The following CCDC50 variants were observed in gnomAD, a reference collection of about 807,000 sequenced individuals.
CCDC50 encodes coiled-coil domain-containing protein 50.
Under a neutral mutation model 70.2 loss-of-function variants are expected in CCDC50, and 54 were observed. The ratio of observed to expected loss-of-function variants is 0.77; its 90% CI spans 0.62 to 0.96. The LOEUF (loss-of-function observed/expected upper bound fraction) is 0.96, where lower values mean the gene tolerates loss of function less well. Among genes scored for constraint, CCDC50 ranks in the 50% least tolerant of loss-of-function variants. The pLI, the probability that CCDC50 is intolerant of heterozygous loss-of-function variation, is 0.00. For missense variants in CCDC50, 558 were observed against 578.7 expected (o/e 0.96, Z 0.37); for synonymous variants, 216 against 198.8 (o/e 1.09, Z -0.73).
At chr3:191,366,891 G>T (rs939973390) in intron 4 of CCDC50, among the ~76,000 whole-genome samples, 1 of 152,046 alleles carries the variant, frequency 6.6e-6, no homozygotes, top group African/African-American at 2.4e-5. Flanking sequence ...GACTAAGCTG[G>T]TTAGCTACAT....
rs144727245 is a variant in CCDC50, at chr3:191,333,234, A to G, written c.49+3511A>G. Among the ~76,000 whole-genome samples, 6 of 152,302 alleles carry G rather than the reference A, an allele frequency of 3.9e-5. No homozygotes were observed. In the East Asian group the frequency reaches 1.2e-3, roughly 29 times the overall value. Reference sequence around the variant, plus strand: ...TCCTTTTTCTTTAGTGAAAGATACAATTTAATACATTTTTAGAAATGTCTG... The same window carrying G: ...TCCTTTTTCTTTAGTGAAAGATACAGTTTAATACATTTTTAGAAATGTCTG... On this transcript the variant is annotated intron_variant, in intron 1 of 11. Coordinates refer to ENST00000392455, the MANE Select transcript of CCDC50 (RefSeq NM_178335.3).
At chr3:191,380,659 CTTTGTT>C (rs1200075894) in intron 7 of CCDC50, 22 bp from the exon 8 acceptor site, 4 of 1,603,952 alleles carry the variant, frequency 2.5e-6, no homozygotes, top group Non-Finnish European at 3.4e-6. Context: ...CAATTAAATT[CTTTGTT>C]TTTGTATTTT....
chr3:191,387,703 C>G (rs962254576), intron 10 of CCDC50, among the ~76,000 whole-genome samples: 1 of 150,034 alleles, frequency 6.7e-6, no homozygotes, highest in East Asian at 1.9e-4. Context: ...CATGGACATG[C>G]TAGAAAACTT....
chr3:191,341,364 A>G (rs1711724004), intron 1 of CCDC50, among the ~76,000 whole-genome samples: 1 of 152,074 alleles, frequency 6.6e-6, no homozygotes, highest in African/African-American at 2.4e-5. Flanking sequence ...ATTTATCCTT[A>G]TTTTACAGAT....
intron 5 of CCDC50, among the ~76,000 whole-genome samples, chr3:191,372,163 G>T (rs1462877917): frequency 1.3e-5 from 2 of 151,950 alleles, no homozygotes; most frequent in Non-Finnish European, 2.9e-5. Flanking sequence ...AGAATTAAGT[G>T]GTTTTTCAGG....
chr3:191,338,611 C>G (rs979368649), intron 1 of CCDC50, among the ~76,000 whole-genome samples: 5 of 152,250 alleles, frequency 3.3e-5, no homozygotes, highest in African/African-American at 1.2e-4. Context: ...CCAGCATTCT[C>G]TGGTCAGACT....
At chr3:191,369,126 TTTTC>T (rs142234699) in intron 4 of CCDC50, among the ~76,000 whole-genome samples, 48,015 of 151,780 alleles carry the variant, frequency 0.32, 7,552 homozygotes, top group Non-Finnish European at 0.32. Context: ...TCTGCTGATG[TTTTC>T]TTTTTCAACT....
In CCDC50 at chr3:191,380,162, T is replaced by C. The variant is rs1200509903; in HGVS notation, c.980T>C (p.Met327Thr). The change falls in exon 7 of 12, where the codon ATG (methionine) becomes ACG (threonine). Residue 327 changes from methionine to threonine, a missense_variant. Physicochemically the swap from Met to Thr is moderately conservative, Grantham distance 81. Transcript: ENST00000392455. ...GAGTTTTTTTTTTTTTTTAAAGGAA[T>C]GAAGCCAAGAGTGATGAAAGAAGCT... is the stretch of plus-strand genomic sequence containing the variant. ...EEQLHLHDAGMKPRVMKEAVS... is the reference protein window; with the variant it reads ...EEQLHLHDAGTKPRVMKEAVS... 2 of 1,537,478 alleles carry C rather than the reference T, an allele frequency of 1.3e-6. No individual in the cohort carries two copies. The highest frequency in any genetic ancestry group is 1.7e-5 in the Admixed American group (1 of 58,446).
At chr3:191,360,190 C>T (rs1177545595) in intron 3 of CCDC50, among the ~76,000 whole-genome samples, 1 of 152,232 alleles carries the variant, frequency 6.6e-6, no homozygotes, top group East Asian at 1.9e-4. Context: ...TTTACTACTG[C>T]TTTCTCAGTT....
Position 191,380,838 on chromosome 3 carries a change from G to T in CCDC50, c.1148G>T (p.Arg383Leu). The change falls in exon 9 of 12, where the codon CGA becomes CTA. Residue 383 changes from arginine (R) to leucine (L), a missense_variant. Arg to Leu is a moderately radical substitution (Grantham distance 102). Coordinates refer to ENST00000392455, the MANE Select transcript of CCDC50 (RefSeq NM_178335.3). ...CTGTATTTTGTTTAGGAAATCGCTC[G>T]ACTTCTAATGGCTGAAGAAAAGAAA... Reference protein sequence around the residue: ...AQVAQDEEIARLLMAEEKKAY... With the variant: ...AQVAQDEEIALLLMAEEKKAY... 6.2e-7 allele frequency: 1 copy of T among 1,612,784 alleles called. No homozygotes were observed. Among genetic ancestry groups the T allele is most frequent in the South Asian group, 1.1e-5 (1 of 91,026 alleles).
At chr3:191,370,829 A>G (rs1263995203) in intron 5 of CCDC50, among the ~76,000 whole-genome samples, 2 of 152,096 alleles carry the variant, frequency 1.3e-5, no homozygotes, top group Non-Finnish European at 2.9e-5. Flanking sequence ...CACTTTCATG[A>G]TGGCTAAAAT....
Position 191,370,304 on chromosome 3 carries a change from G to A in CCDC50, c.448+268G>A, listed in dbSNP as rs145465944. On this transcript the variant is annotated intron_variant, in intron 5 of 11. Transcript: ENST00000392455. The stretch of plus-strand genomic sequence containing the variant: ...ATAGATACATGTGCCATGTTGGTGT[G>A]CTGCACCCATTAACTCGTCATTTAA... 7.2e-3 allele frequency: 2,593 copies of A among 362,464 alleles called. 74 individuals carry two copies. The highest frequency in any genetic ancestry group is 0.051 in the African/African-American group (2,409 of 46,936). 22.5% of individuals were successfully genotyped at this position (362,464 alleles called of 1,614,324 possible). A position where few individuals can be genotyped will look rare whatever the true frequency, so the allele number is the denominator to read the frequency against.
Position 191,337,657 on chromosome 3 carries a change from G to GA in CCDC50, c.49+7943dup, listed in dbSNP as rs57799209. On this transcript the variant is annotated intron_variant, in intron 1 of 11. Coordinates refer to ENST00000392455, the MANE Select transcript of CCDC50 (RefSeq NM_178335.3). ...TGCACCCAGCCTCTTTTTTTAAGAA[G>GA]AAAAAAAAATTACACTCCGGTAAAT... is the stretch of plus-strand genomic sequence containing the variant. Among the ~76,000 whole-genome samples, 6 of 150,048 alleles carry GA rather than the reference G, an allele frequency of 4.0e-5. No homozygotes were observed. The South Asian group carries it at 6.3e-4, about 16-fold the overall frequency.
chr3:191,382,702 T>C (rs202018417), intron 9 of CCDC50, 44 bp from the exon 10 acceptor site: 1 of 1,202,542 alleles, frequency 8.3e-7, no homozygotes, highest in African/African-American at 1.5e-5. Flanking sequence ...CTGGATTGTA[T>C]GTGTGTGTTA....
intron 7 of CCDC50, 50 bp downstream of exon 7, chr3:191,380,324 T>C: frequency 8.6e-7 from 1 of 1,158,822 alleles, no homozygotes; most frequent in Non-Finnish European, 1.3e-6. Context: ...GGTATTTTTT[T>C]TGTGAATCTA....
intron 1 of CCDC50, among the ~76,000 whole-genome samples, chr3:191,356,070 G>A (rs951252335): frequency 6.6e-6 from 1 of 152,164 alleles, no homozygotes; most frequent in Non-Finnish European, 1.5e-5. Context: ...AAGCCCTGGG[G>A]AATGTTTCAT....
At chr3:191,361,210 T>G in intron 4 of CCDC50, 51 bp downstream of exon 4, 1 of 1,375,638 alleles carries the variant, frequency 7.3e-7, no homozygotes, top group South Asian at 1.2e-5. Flanking sequence ...GGTGCTCAGC[T>G]TTAGAGCAAA....
chr3:191,380,842 T>G lies in CCDC50; in HGVS notation c.1152T>G (p.Leu384=). The part of the protein sequence containing the change: ...QVAQDEEIAR[L]LMAEEKKAYK... Reference sequence around the variant, plus strand: ...ATTTTGTTTAGGAAATCGCTCGACTTCTAATGGCTGAAGAAAAGAAAGCTT... The same window carrying G: ...ATTTTGTTTAGGAAATCGCTCGACTGCTAATGGCTGAAGAAAAGAAAGCTT... Residue 384 remains leucine (L), a synonymous_variant, in exon 9 of 12, where the codon CTT becomes CTG. Coordinates refer to ENST00000392455, the MANE Select transcript of CCDC50 (RefSeq NM_178335.3). The G allele has an allele frequency of 6.2e-7, 1 of 1,612,882 alleles. No homozygotes were observed. The highest frequency in any genetic ancestry group is 8.5e-7 in the Non-Finnish European group (1 of 1,179,212).
intron 1 of CCDC50, among the ~76,000 whole-genome samples, chr3:191,337,447 C>T (rs905276681): frequency 5.3e-5 from 8 of 151,654 alleles, no homozygotes; most frequent in African/African-American, 7.3e-5. Context: ...CAGGCTCGAG[C>T]GATTCTCCTG....
Sources: allele counts gnomAD v4.1 joint callset (sites outside exome capture counted in the v4.1 genomes callset), GRCh38; gene constraint gnomAD v4.1.1; transcripts MANE v1.5; gene names NCBI Gene and HGNC (gene_info 2026-07-23, HGNC 2026-07-21).